LRRC4C: variants seen among roughly 807,000 people sequenced by gnomAD.
The protein encoded by LRRC4C is leucine rich repeat containing 4C, also known as leucine-rich repeat-containing protein 4C.
In LRRC4C, 5 loss-of-function variants were observed where a neutral mutation model predicts 33.6. That is an observed-to-expected ratio of 0.15 (90% CI 0.08 to 0.31). LRRC4C has a LOEUF of 0.31. Ranked by LOEUF, LRRC4C falls within the 10% of genes least tolerant of loss-of-function variation. The pLI is 1.00. For synonymous variants in LRRC4C, 329 were observed against 302.0 expected (o/e 1.09, Z -0.93); for missense variants, 560 against 796.7 (o/e 0.70, Z 3.58).
intron 1 of LRRC4C, among the ~76,000 whole-genome samples, chr11:40,976,479 C>T (rs930912484): frequency 4.6e-5 from 7 of 152,120 alleles, no homozygotes; most frequent in Non-Finnish European, 7.4e-5. Context: ...TTGTCACCAG[C>T]GTGATGCTAC....
At chr11:40,929,670 A>T (rs1232827292) in intron 2 of LRRC4C, among the ~76,000 whole-genome samples, 1 of 151,962 alleles carries the variant, frequency 6.6e-6, no homozygotes, top group Non-Finnish European at 1.5e-5. Flanking sequence ...GCTGGAGTGC[A>T]GTGGCGCGAT....
At chr11:40,787,637 T>A (rs117201098) in intron 2 of LRRC4C, among the ~76,000 whole-genome samples, 1,539 of 152,226 alleles carry the variant, frequency 0.01, 7 homozygotes, top group Admixed American at 0.017. Context: ...GAAAAGGAGG[T>A]GAAAATGAAT....
At chr11:40,736,983 C>T (rs899635942) in intron 2 of LRRC4C, among the ~76,000 whole-genome samples, 1 of 151,482 alleles carries the variant, frequency 6.6e-6, no homozygotes, top group African/African-American at 2.4e-5. Flanking sequence ...TTTTCCTGTA[C>T]AGAAGCTCTT....
intron 3 of LRRC4C, among the ~76,000 whole-genome samples, chr11:40,580,155 A>G (rs1391223379): frequency 6.6e-6 from 1 of 152,110 alleles, no homozygotes; most frequent in Admixed American, 6.6e-5. Context: ...TGCTATAAAG[A>G]AATTCCCCGA....
intron 2 of LRRC4C, among the ~76,000 whole-genome samples, chr11:40,929,351 T>C (rs183686944): frequency 2.4e-4 from 36 of 152,294 alleles, no homozygotes; most frequent in Admixed American, 1.5e-3. Flanking sequence ...CTATGCAATA[T>C]ATTCATGTAA....
intron 5 of LRRC4C, among the ~76,000 whole-genome samples, chr11:40,195,999 C>T (rs1176967026): frequency 1.8e-4 from 28 of 152,158 alleles, no homozygotes; most frequent in Admixed American, 1.8e-3. Context: ...GTCAAAGACA[C>T]CTTACCTGAA....
intron 5 of LRRC4C, among the ~76,000 whole-genome samples, chr11:40,239,644 C>T (rs533638955): frequency 4.7e-4 from 71 of 152,300 alleles, no homozygotes; most frequent in South Asian, 4.4e-3. Flanking sequence ...GACTGTCTCT[C>T]TAGATCCTGT....
At chr11:41,376,917 G>A (rs940382423) in intron 1 of LRRC4C, among the ~76,000 whole-genome samples, 2 of 151,954 alleles carry the variant, frequency 1.3e-5, no homozygotes, top group Admixed American at 6.6e-5. Flanking sequence ...AGAGACAAGG[G>A]GAAGACCTAA....
chr11:40,995,025 T>C (rs958662088), intron 1 of LRRC4C, among the ~76,000 whole-genome samples: 11 of 152,230 alleles, frequency 7.2e-5, no homozygotes, highest in African/African-American at 2.6e-4. Flanking sequence ...AGAATATACC[T>C]ATGATTTGGA....
chr11:40,436,030 A>G (rs1351561039), intron 3 of LRRC4C, among the ~76,000 whole-genome samples: 1 of 152,162 alleles, frequency 6.6e-6, no homozygotes, highest in Non-Finnish European at 1.5e-5. Flanking sequence ...TACTTAATTA[A>G]GTCCTATCCT....
At chr11:41,013,987 T>G (rs1053358389) in intron 1 of LRRC4C, among the ~76,000 whole-genome samples, 1 of 152,130 alleles carries the variant, frequency 6.6e-6, no homozygotes, top group Non-Finnish European at 1.5e-5. Flanking sequence ...TCCACCCCCA[T>G]GACCGCGTCG....
chr11:40,812,513 A>G (rs998398003), intron 2 of LRRC4C, among the ~76,000 whole-genome samples: 4 of 152,192 alleles, frequency 2.6e-5, no homozygotes, highest in Admixed American at 6.5e-5. Flanking sequence ...TTGGTTCTCT[A>G]TGTTAAAATA....
chr11:40,345,761 C>T (rs960830205), intron 3 of LRRC4C, among the ~76,000 whole-genome samples: 2 of 152,072 alleles, frequency 1.3e-5, no homozygotes, highest in Non-Finnish European at 2.9e-5. Context: ...AGTAAACAGG[C>T]AACCTACAGA....
intron 4 of LRRC4C, among the ~76,000 whole-genome samples, chr11:40,267,641 G>A (rs962055125): frequency 2.6e-5 from 4 of 152,206 alleles, no homozygotes; most frequent in African/African-American, 4.8e-5. Context: ...GTGAGCCACC[G>A]CGCCTGGCCC....
At chr11:40,129,456 C>T (rs1394924073) in intron 6 of LRRC4C, among the ~76,000 whole-genome samples, 1 of 152,022 alleles carries the variant, frequency 6.6e-6, no homozygotes, top group Non-Finnish European at 1.5e-5. Context: ...TTATGTTTGA[C>T]CAAACAATGC....
At chr11:40,390,457 G>T (rs1270604825) in intron 3 of LRRC4C, among the ~76,000 whole-genome samples, 2 of 152,148 alleles carry the variant, frequency 1.3e-5, no homozygotes, top group Non-Finnish European at 2.9e-5. Flanking sequence ...AAAATCAGTT[G>T]CTTCTCACAA....
intron 3 of LRRC4C, among the ~76,000 whole-genome samples, chr11:40,496,789 C>T (rs1199850653): frequency 6.6e-6 from 1 of 152,130 alleles, no homozygotes; most frequent in Admixed American, 6.5e-5. Context: ...TCCAATCACC[C>T]TCCGACCCAG....
At chr11:41,225,791 A>T (rs1450796787) in intron 1 of LRRC4C, among the ~76,000 whole-genome samples, 1 of 152,122 alleles carries the variant, frequency 6.6e-6, no homozygotes, top group African/African-American at 2.4e-5. Flanking sequence ...CTGTGTCTTA[A>T]GCCTATGACA....
At chr11:41,000,633 G>A (rs1854304855) in intron 1 of LRRC4C, among the ~76,000 whole-genome samples, 1 of 152,150 alleles carries the variant, frequency 6.6e-6, no homozygotes, top group South Asian at 2.1e-4. Flanking sequence ...CAATTGGCTG[G>A]AGCACCCTAT....
Sources: gnomAD v4.1 joint callset for allele counts (sites outside exome capture counted in the v4.1 genomes callset) on GRCh38, gnomAD v4.1.1 for gene constraint, MANE v1.5 for transcripts, NCBI Gene and HGNC (gene_info 2026-07-23, HGNC 2026-07-21) for gene names.